The following CTNNA1 variants were observed in gnomAD, a reference collection of about 807,000 sequenced individuals.
The protein encoded by CTNNA1 is catenin alpha 1.
A neutral mutation model predicts 98.4 loss-of-function variants in CTNNA1; 37 were observed. The ratio of observed to expected loss-of-function variants is 0.38; its 90% CI spans 0.29 to 0.49. The LOEUF (loss-of-function observed/expected upper bound fraction) is 0.49. Among genes scored for constraint, CTNNA1 ranks in the 20% least tolerant of loss-of-function variants. The pLI is 0.95. For synonymous variants in CTNNA1, 404 were observed against 413.2 expected (o/e 0.98, Z 0.27); for missense variants, 761 against 1,147.2 (o/e 0.66, Z 4.86).
chr5:138,756,828 T>G (rs1751704085), intron 1 of CTNNA1, among the ~76,000 whole-genome samples: 2 of 151,958 alleles, frequency 1.3e-5, no homozygotes, highest in Non-Finnish European at 2.9e-5. Flanking sequence ...AAGCAGAGAG[T>G]TGAGCTAGGA....
At chr5:138,833,732 C>G (rs1044167570) in intron 7 of CTNNA1, among the ~76,000 whole-genome samples, 5 of 152,112 alleles carry the variant, frequency 3.3e-5, no homozygotes, top group Non-Finnish European at 5.9e-5. Flanking sequence ...GCATGGTAGT[C>G]CATGCATAGT....
At chr5:138,797,054 G>A (rs1041999874) in intron 3 of CTNNA1, among the ~76,000 whole-genome samples, 2 of 152,126 alleles carry the variant, frequency 1.3e-5, no homozygotes, top group African/African-American at 4.8e-5. Context: ...CCTCTAGTTA[G>A]CTGACTTTAT....
At chr5:138,921,465 G>A (rs75486298) in intron 11 of CTNNA1, among the ~76,000 whole-genome samples, 315 of 152,262 alleles carry the variant, frequency 2.1e-3, no homozygotes, top group African/African-American at 7.1e-3. Flanking sequence ...AAAGAATTTG[G>A]TCTGATTGGG....
chr5:138,929,742 G>A (rs757842892), intron 14 of CTNNA1, among the ~76,000 whole-genome samples: 44 of 152,286 alleles, frequency 2.9e-4, no homozygotes, highest in Admixed American at 5.9e-4. Context: ...AAATAACAGT[G>A]GTACATTCAA....
At chr5:138,847,927 TG>T (rs1762871437) in intron 7 of CTNNA1, among the ~76,000 whole-genome samples, 1 of 152,246 alleles carries the variant, frequency 6.6e-6, no homozygotes, top group African/African-American at 2.4e-5. Context: ...TTGAACTTGT[TG>T]GGAGCACTTA....
At position 138,934,296 on chromosome 5, in the gene CTNNA1, G is replaced by GTATT. The variant is rs1554119092; in HGVS notation, c.*209_*212dup. ...AGAATGCAGGAGCCTACTTCTAGCT[G>GTATT]TATTTTTTGTATGCTTAAATAAAAA... On this transcript the variant is annotated 3_prime_UTR_variant, in exon 18 of 18. Coordinates refer to ENST00000302763, the MANE Select transcript of CTNNA1 (RefSeq NM_001903.5). 12 of 531,414 alleles carry GTATT rather than the reference G, an allele frequency of 2.3e-5. No individual in the cohort carries two copies. Among genetic ancestry groups the GTATT allele is most frequent in the South Asian group, 1.2e-4 (4 of 34,108 alleles). The allele number at this position is 531,414 out of a possible 1,614,324, so 32.9% of individuals were successfully genotyped here.
At chr5:138,900,732 C>A (rs1354640087) in intron 9 of CTNNA1, among the ~76,000 whole-genome samples, 1 of 152,182 alleles carries the variant, frequency 6.6e-6, no homozygotes, top group Non-Finnish European at 1.5e-5. Flanking sequence ...GATGTCTAAT[C>A]TGTTGATCTG....
chr5:138,876,088 A>T (rs1414944628), intron 7 of CTNNA1, among the ~76,000 whole-genome samples: 2 of 152,228 alleles, frequency 1.3e-5, no homozygotes, highest in Admixed American at 6.5e-5. Context: ...AGGTTGATAC[A>T]GTCATTTTAA....
chr5:138,897,300 C>G (rs1265247222), intron 9 of CTNNA1, among the ~76,000 whole-genome samples: 3 of 79,706 alleles, frequency 3.8e-5, no homozygotes, highest in East Asian at 5.0e-4. Flanking sequence ...CCGCACCCCC[C>G]CCCCCCCCGC....
At chr5:138,891,376 A>G (rs7446631) in intron 9 of CTNNA1, among the ~76,000 whole-genome samples, 52,874 of 151,862 alleles carry the variant, frequency 0.35, 9,937 homozygotes, top group African/African-American at 0.5. Flanking sequence ...TGGCTGTTAG[A>G]GGAGGGGAGT....
At chr5:138,800,755 A>G (rs986029510) in intron 3 of CTNNA1, among the ~76,000 whole-genome samples, 9 of 152,048 alleles carry the variant, frequency 5.9e-5, no homozygotes, top group Non-Finnish European at 1.3e-4. Context: ...GTGAGCTGAG[A>G]TCGCGCCACT....
chr5:138,908,778 G>A (rs1759874563), intron 10 of CTNNA1, among the ~76,000 whole-genome samples: 1 of 152,120 alleles, frequency 6.6e-6, no homozygotes, highest in Non-Finnish European at 1.5e-5. Flanking sequence ...AAGAAAAGAG[G>A]AGGTAGGTCG....
rs144199106 is a variant in CTNNA1 at position 138,818,926 on chromosome 5, C to T, written c.589-5604C>T. On this transcript the variant is annotated intron_variant, in intron 5 of 17. Coordinates refer to ENST00000302763, the MANE Select transcript of CTNNA1 (RefSeq NM_001903.5). ...ATCTTGGGATGTATTGAGTGCCTGGCTTTGTTCTCTATGGCAGAGTTGGAT... is the reference window on the plus strand; with the variant it reads ...ATCTTGGGATGTATTGAGTGCCTGGTTTTGTTCTCTATGGCAGAGTTGGAT... 6.4e-3 allele frequency among the ~76,000 whole-genome samples: 976 copies of T among 152,220 alleles called. 8 individuals are homozygous for T. Among genetic ancestry groups the T allele is most frequent in the African/African-American group, 0.02 (851 of 41,518 alleles).
At chr5:138,812,433 T>C (rs2149737436) in intron 5 of CTNNA1, 131 bp downstream of exon 5, 2 of 939,206 alleles carry the variant, frequency 2.1e-6, no homozygotes, top group Non-Finnish European at 3.1e-6. Flanking sequence ...ACATTTAAAC[T>C]AAGGTGTCTT....
chr5:138,799,149 G>A (rs1177804869), intron 3 of CTNNA1, among the ~76,000 whole-genome samples: 1 of 151,872 alleles, frequency 6.6e-6, no homozygotes, highest in Non-Finnish European at 1.5e-5. Context: ...GAGCCATCGT[G>A]CCCAGCCTTC....
intron 7 of CTNNA1, among the ~76,000 whole-genome samples, chr5:138,839,288 G>A (rs937530762): frequency 2.0e-5 from 3 of 151,924 alleles, no homozygotes; most frequent in Admixed American, 2.0e-4. Context: ...ATAGAGGCAT[G>A]ATCTCGGCTC....
At chr5:138,923,228 C>G (rs1763289333) in intron 11 of CTNNA1, among the ~76,000 whole-genome samples, 1 of 152,136 alleles carries the variant, frequency 6.6e-6, no homozygotes, top group Admixed American at 6.5e-5. Flanking sequence ...CTGCTCAGTA[C>G]ATTTGTTTAG....
chr5:138,890,225 A>T (rs1299384878), intron 9 of CTNNA1, among the ~76,000 whole-genome samples: 1 of 152,218 alleles, frequency 6.6e-6, no homozygotes, highest in African/African-American at 2.4e-5. Context: ...CATTGCAGCC[A>T]CTGAGAAGTC....
At chr5:138,846,769 C>A (rs73790368) in intron 7 of CTNNA1, among the ~76,000 whole-genome samples, 5,734 of 151,926 alleles carry the variant, frequency 0.038, 242 homozygotes, top group African/African-American at 0.1. Flanking sequence ...TAAAAAAAAA[C>A]CCCTCAAATT....
Sources: allele counts gnomAD v4.1 joint callset (sites outside exome capture counted in the v4.1 genomes callset), GRCh38; gene constraint gnomAD v4.1.1; transcripts MANE v1.5; gene names NCBI Gene and HGNC (gene_info 2026-07-23, HGNC 2026-07-21).